The following FLT3 variants were observed in gnomAD, a reference collection of about 807,000 sequenced individuals.
FLT3 encodes the protein receptor-type tyrosine-protein kinase FLT3.
FLT3 carries 46 observed loss-of-function variants against 126.6 expected under a neutral mutation model. The observed-to-expected ratio is 0.36, with a 90% CI of 0.29 to 0.46. The LOEUF (loss-of-function observed/expected upper bound fraction) is 0.46. Ranked by LOEUF, FLT3 falls within the 20% of genes least tolerant of loss-of-function variation. The pLI is 1.00. For missense variants in FLT3, 1,069 were observed against 1,190.3 expected (o/e 0.90, Z 1.50); for synonymous variants, 404 against 434.4 (o/e 0.93, Z 0.87).
intron 2 of FLT3, among the ~76,000 whole-genome samples, chr13:28,065,486 T>TA (rs1207679567): frequency 6.6e-6 from 1 of 151,534 alleles, no homozygotes; most frequent in Non-Finnish European, 1.5e-5. Flanking sequence ...TACAAAAAAT[T>TA]AAAAAATTAG....
intron 23 of FLT3, among the ~76,000 whole-genome samples, chr13:28,008,770 C>T (rs1242192912): frequency 2.0e-5 from 3 of 152,118 alleles, no homozygotes; most frequent in Non-Finnish European, 4.4e-5. Flanking sequence ...TGAGCTACCA[C>T]GCCTGGCTGA....
At chr13:28,070,721 G>T in intron 1 of FLT3, 109 bp from the exon 2 acceptor site, 2 of 813,468 alleles carry the variant, frequency 2.5e-6, no homozygotes, top group South Asian at 1.8e-5. Context: ...AGAGGAAATT[G>T]GCCACTATGA....
At chr13:28,048,527 A>G in intron 8 of FLT3, 84 bp from the exon 9 acceptor site, 1 of 985,610 alleles carries the variant, frequency 1.0e-6, no homozygotes, top group Non-Finnish European at 1.5e-6. Flanking sequence ...ACTTGTATTC[A>G]TCAGTTTAAC....
intron 2 of FLT3, chr13:28,067,930 T>C (rs1877176327): frequency 2.6e-6 from 1 of 382,754 alleles, no homozygotes; most frequent in South Asian, 2.5e-5. Context: ...GCCTGAAATA[T>C]GAGGTCATGA....
chr13:28,015,698 G>T lies in FLT3; in HGVS notation c.2545C>A (p.Arg849Ser), dbSNP rs959896930. 1.2e-6 allele frequency: 2 copies of T among 1,602,302 alleles called. No individual in the cohort carries two copies. Among genetic ancestry groups the T allele is most frequent in the Non-Finnish European group, 1.7e-6 (2 of 1,169,664 alleles). ...DSNYVVRGNA[R>S]LPVKWMAPES... is the part of the protein sequence containing the mutation. The stretch of plus-strand genomic sequence containing the variant: ...GGGGCCATCCATTTTACAGGCAGAC[G>T]GGCCTGTGGAAAACCCAGAGGAGAT... The change falls in exon 21 of 24, where the codon CGT (arginine) becomes AGT (serine). Residue 849 changes from arginine (R) to serine (S), a missense_variant. Coordinates refer to ENST00000241453, the MANE Select transcript of FLT3 (RefSeq NM_004119.3).
chr13:28,025,504 G>T, intron 17 of FLT3: 1 of 319,856 alleles, frequency 3.1e-6, no homozygotes, highest in Non-Finnish European at 6.2e-6. Context: ...ATTATAAGTA[G>T]ATCACGATTC....
Position 28,057,335 on chromosome 13 carries a change from G to A in FLT3, c.484+12C>T. ...ATTCCAGGCTGGAATACTAGTAGCA[G>A]GCTGGACTTACTTCTTATACTCACT... is the stretch of plus-strand genomic sequence containing the variant. On this transcript the variant is annotated intron_variant, in intron 4 of 23. Transcript: ENST00000241453. 1 of 1,103,420 alleles carries A rather than the reference G, an allele frequency of 9.1e-7. No homozygotes were observed. Among genetic ancestry groups the A allele is most frequent in the Non-Finnish European group, 1.4e-6 (1 of 713,262 alleles). 68.4% of individuals were successfully genotyped at this position (1,103,420 alleles called of 1,614,324 possible). A position where few individuals can be genotyped will look rare whatever the true frequency, so the allele number is the denominator to read the frequency against.
At chr13:28,008,740 A>G (rs1394733443) in intron 23 of FLT3, among the ~76,000 whole-genome samples, 1 of 152,006 alleles carries the variant, frequency 6.6e-6, no homozygotes, top group African/African-American at 2.4e-5. Flanking sequence ...CAGACTCCCA[A>G]AGTGCTAGGA....
At chr13:28,047,711 C>CA (rs56745762) in intron 9 of FLT3, among the ~76,000 whole-genome samples, 181 of 108,568 alleles carry the variant, frequency 1.7e-3, no homozygotes, top group African/African-American at 5.5e-3. Flanking sequence ...GACCTCATCT[C>CA]AAAAAAAAAA....
intron 1 of FLT3, among the ~76,000 whole-genome samples, chr13:28,088,735 C>T (rs1878844862): frequency 6.6e-6 from 1 of 151,776 alleles, no homozygotes; most frequent in Non-Finnish European, 1.5e-5. Flanking sequence ...CAGGCGCCCA[C>T]CACCACGCCC....
rs373871325 is a variant in FLT3 at position 28,091,382 on chromosome 13, C to T, written c.43+9086G>A. ...GACTACAGGCGCCCGCCACCACGCCCGGCTAATTTTTTGTATTTTTAGTAG... is the reference window on the plus strand; with the variant it reads ...GACTACAGGCGCCCGCCACCACGCCTGGCTAATTTTTTGTATTTTTAGTAG... On this transcript the variant is annotated intron_variant, in intron 1 of 23. Transcript: ENST00000241453. Among the ~76,000 whole-genome samples the T allele has an allele frequency of 1.7e-3, 247 of 149,246 alleles. 2 individuals carry two copies. The highest frequency in any genetic ancestry group is 4.5e-3 in the African/African-American group (184 of 40,580).
At chr13:28,025,336 C>A in intron 17 of FLT3, 2 of 443,278 alleles carry the variant, frequency 4.5e-6, no homozygotes, top group South Asian at 3.4e-5. Flanking sequence ...TCACATAATA[C>A]AGATCTTCCC....
In FLT3 at chr13:28,048,269, T is replaced by C; in HGVS notation, c.1205+6A>G. The C allele has an allele frequency of 6.2e-7, 1 of 1,609,294 alleles. No homozygotes were observed. Among genetic ancestry groups the C allele is most frequent in the Non-Finnish European group, 8.5e-7 (1 of 1,177,690 alleles). On this transcript the variant is annotated splice_donor_region_variant and intron_variant, in intron 9 of 23. Transcript: ENST00000241453. ...AATGGTATCTTAGAGTCCTTTGTGG[T>C]CTCACCTGTATCCGTTATCAAGACC...
intron 1 of FLT3, among the ~76,000 whole-genome samples, chr13:28,094,393 T>C (rs1382347022): frequency 1.3e-5 from 2 of 152,224 alleles, no homozygotes; most frequent in Non-Finnish European, 2.9e-5. Flanking sequence ...AAAAAATGTA[T>C]ATTTTTTTAC....
intron 1 of FLT3, among the ~76,000 whole-genome samples, chr13:28,081,906 G>C (rs1289515955): frequency 7.5e-6 from 1 of 134,144 alleles, no homozygotes; most frequent in African/African-American, 2.9e-5. Context: ...GCCCAGGCTG[G>C]AGTACAATGG....
chr13:28,100,546 C>T lies in FLT3; in HGVS notation c.-36G>A, dbSNP rs1879768804. 5 of 1,203,332 alleles carry T rather than the reference C, an allele frequency of 4.2e-6. No individual in the cohort carries two copies. The highest frequency in any genetic ancestry group is 5.2e-6 in the Non-Finnish European group (5 of 967,648). The allele number at this position is 1,203,332 out of a possible 1,614,324, so 74.5% of individuals were successfully genotyped here. ...GCCCGGGGTCCCCAGGCCGCGCCGGCCCAGCCCTGCGATGCCGCCTGGAGC... is the reference window on the plus strand; with the variant it reads ...GCCCGGGGTCCCCAGGCCGCGCCGGTCCAGCCCTGCGATGCCGCCTGGAGC... On this transcript the variant is annotated 5_prime_UTR_variant, in exon 1 of 24. Coordinates refer to ENST00000241453, the MANE Select transcript of FLT3 (RefSeq NM_004119.3). This position sits in a 1 kb window ranked among gnomAD's most constrained non-coding sequence, Gnocchi z 4.8.
intron 2 of FLT3, among the ~76,000 whole-genome samples, chr13:28,068,881 TCTA>T (rs1269842760): frequency 6.6e-6 from 1 of 152,166 alleles, no homozygotes; most frequent in Non-Finnish European, 1.5e-5. Flanking sequence ...CTGGCTGATT[TCTA>T]CTATTTTCAG....
At chr13:28,078,106 A>G (rs1203898339) in intron 1 of FLT3, among the ~76,000 whole-genome samples, 1 of 152,094 alleles carries the variant, frequency 6.6e-6, no homozygotes, top group African/African-American at 2.4e-5. Flanking sequence ...TTCCAGGTAC[A>G]TGGTGCAAGC....
intron 9 of FLT3, among the ~76,000 whole-genome samples, chr13:28,041,182 A>G (rs1874344993): frequency 6.6e-6 from 1 of 152,178 alleles, no homozygotes; most frequent in African/African-American, 2.4e-5. Context: ...GCTCCATGCC[A>G]GTGCCCGACC....
Sources: allele counts gnomAD v4.1 joint callset (sites outside exome capture counted in the v4.1 genomes callset), GRCh38; gene constraint gnomAD v4.1.1; non-coding constraint Gnocchi (gnomAD v3.1); transcripts MANE v1.5; gene names NCBI Gene and HGNC (gene_info 2026-07-23, HGNC 2026-07-21).